AGBL1: variants seen among roughly 807,000 people sequenced by gnomAD.
AGBL1 encodes AGBL carboxypeptidase 1, also known as cytosolic carboxypeptidase 4.
AGBL1 carries 130 observed loss-of-function variants against 118.9 expected under a neutral mutation model. The observed-to-expected ratio is 1.09, with a 90% confidence interval of 0.95 to 1.26. The LOEUF is 1.26. Among genes scored for constraint, AGBL1 ranks in the 50% most tolerant of loss-of-function variants. The pLI, the probability that AGBL1 is intolerant of heterozygous loss-of-function variation, is 0.00. For synonymous variants in AGBL1, 555 were observed against 478.9 expected (o/e 1.16, Z -2.08); for missense variants, 1,584 against 1,298.1 (o/e 1.22, Z -3.38).
chr15:86,118,948 C>G (rs756447188), intron 1 of AGBL1, among the ~76,000 whole-genome samples: 1 of 152,188 alleles, frequency 6.6e-6, no homozygotes, highest in Non-Finnish European at 1.5e-5. Context: ...TGATTTCAAG[C>G]TGCCACAGCA....
At chr15:86,760,338 G>T (rs940430500) in intron 22 of AGBL1, among the ~76,000 whole-genome samples, 1 of 151,992 alleles carries the variant, frequency 6.6e-6, no homozygotes, top group African/African-American at 2.4e-5. Context: ...ATGGAGGAAT[G>T]ATGTTTAATC....
chr15:86,423,575 T>C (rs2081822030), intron 18 of AGBL1, among the ~76,000 whole-genome samples: 1 of 152,134 alleles, frequency 6.6e-6, no homozygotes, highest in Non-Finnish European at 1.5e-5. Context: ...GGTATTCAGA[T>C]AGGAAGAGAG....
intron 23 of AGBL1, among the ~76,000 whole-genome samples, chr15:86,967,509 G>C (rs2081066751): frequency 6.6e-6 from 1 of 152,156 alleles, no homozygotes; most frequent in Admixed American, 6.6e-5. Context: ...TGTATAAGGT[G>C]TAAGGAAGGG....
At chr15:86,373,011 CT>C (rs1340109928) in intron 17 of AGBL1, among the ~76,000 whole-genome samples, 1 of 152,100 alleles carries the variant, frequency 6.6e-6, no homozygotes, top group Non-Finnish European at 1.5e-5. Flanking sequence ...CTTTTCTTTT[CT>C]TTCTTTTTGT....
chr15:86,554,357 G>C lies in AGBL1; in HGVS notation c.2818-4G>C. ...TCATCGTTTGATTTTTGTTTTTACT[G>C]TAGACTCTTCCCAAAATCCTTGATA... On this transcript the variant is annotated splice_region_variant and splice_polypyrimidine_tract_variant and intron_variant, in intron 20 of 22. Transcript: ENST00000614907. 6.4e-7 allele frequency: 1 copy of C among 1,567,780 alleles called. No individual in the cohort carries two copies. The highest frequency in any genetic ancestry group is 8.6e-7 in the Non-Finnish European group (1 of 1,156,254).
chr15:86,359,387 C>CTTTTTTTTTTTTT (rs56189861), intron 17 of AGBL1, among the ~76,000 whole-genome samples: 19 of 93,786 alleles, frequency 2.0e-4, no homozygotes, highest in East Asian at 1.4e-3. Context: ...TATTGGTTTT[C>CTTTTTTTTTTTTT]TTTTTTTTTT....
intron 19 of AGBL1, among the ~76,000 whole-genome samples, chr15:86,533,663 G>A (rs71408857): frequency 0.014 from 1,902 of 131,506 alleles, 15 homozygotes; most frequent in Non-Finnish European, 0.023. Context: ...ACATGCACAC[G>A]TATGTTTATT....
chr15:86,121,046 G>A (rs1416458935), intron 1 of AGBL1, among the ~76,000 whole-genome samples: 1 of 151,958 alleles, frequency 6.6e-6, no homozygotes, highest in South Asian at 2.1e-4. Flanking sequence ...ACAGGCATGT[G>A]CCACCATGCC....
intron 1 of AGBL1, among the ~76,000 whole-genome samples, chr15:86,081,347 C>T (rs1895270679): frequency 6.6e-6 from 1 of 152,080 alleles, no homozygotes; most frequent in South Asian, 2.1e-4. Context: ...GGCCATTTTT[C>T]TCTGATTCTT....
chr15:86,660,711 C>A (rs1297980871), intron 21 of AGBL1, among the ~76,000 whole-genome samples: 3 of 152,110 alleles, frequency 2.0e-5, no homozygotes, highest in Non-Finnish European at 4.4e-5. Flanking sequence ...GGTCAGGCCT[C>A]ATTTACTGAA....
chr15:86,983,710 C>G (rs2081253272), intron 23 of AGBL1, among the ~76,000 whole-genome samples: 1 of 152,212 alleles, frequency 6.6e-6, no homozygotes, highest in African/African-American at 2.4e-5. Flanking sequence ...TTCCTAATCT[C>G]CAGCCTCAAA....
chr15:86,230,084 G>A (rs2078431107), intron 6 of AGBL1, among the ~76,000 whole-genome samples: 1 of 152,182 alleles, frequency 6.6e-6, no homozygotes, highest in South Asian at 2.1e-4. Context: ...TTGGCAGGAA[G>A]TTGAGACTTC....
At chr15:86,432,993 A>G (rs1477013323) in intron 18 of AGBL1, among the ~76,000 whole-genome samples, 1 of 152,152 alleles carries the variant, frequency 6.6e-6, no homozygotes, top group Non-Finnish European at 1.5e-5. Context: ...AGTCCTGGTG[A>G]TCATATCAGG....
At chr15:86,120,882 T>A (rs1175115494) in intron 1 of AGBL1, among the ~76,000 whole-genome samples, 1 of 151,444 alleles carries the variant, frequency 6.6e-6, no homozygotes, top group East Asian at 1.9e-4. Context: ...CCCTTTAAGT[T>A]CTTGTTTGCT....
intron 22 of AGBL1, among the ~76,000 whole-genome samples, chr15:86,866,908 AAG>A (rs888464050): frequency 2.6e-5 from 4 of 152,180 alleles, no homozygotes; most frequent in African/African-American, 9.7e-5. Flanking sequence ...CTTCCCAGAG[AAG>A]AGAGTATCAG....
intron 8 of AGBL1, among the ~76,000 whole-genome samples, chr15:86,257,723 T>G (rs763035194): frequency 1.3e-5 from 2 of 152,228 alleles, no homozygotes; most frequent in African/African-American, 4.8e-5. Context: ...TTTCTGCACT[T>G]ATTTTGCATT....
At chr15:86,276,875 T>C (rs1283459679) in intron 15 of AGBL1, among the ~76,000 whole-genome samples, 1 of 152,224 alleles carries the variant, frequency 6.6e-6, no homozygotes, top group Non-Finnish European at 1.5e-5. Context: ...ATGGATGAAC[T>C]GAACTGTAGC....
chr15:86,375,814 G>C (rs2081035001), intron 17 of AGBL1, among the ~76,000 whole-genome samples: 1 of 152,172 alleles, frequency 6.6e-6, no homozygotes, highest in African/African-American at 2.4e-5. Context: ...AGAAGACCAA[G>C]GTGTGGGAGC....
At chr15:86,275,198 C>G (rs931755084) in intron 15 of AGBL1, among the ~76,000 whole-genome samples, 22 of 152,232 alleles carry the variant, frequency 1.4e-4, no homozygotes, top group Middle Eastern at 6.8e-3. Context: ...GGAAGCTGTG[C>G]GCTTAGAGTG....
Sources: allele counts gnomAD v4.1 joint callset (sites outside exome capture counted in the v4.1 genomes callset), GRCh38; gene constraint gnomAD v4.1.1; transcripts MANE v1.5; gene names NCBI Gene and HGNC (gene_info 2026-07-23, HGNC 2026-07-21).